The following PPL variants were observed in gnomAD, a reference collection of about 807,000 sequenced individuals.
PPL encodes periplakin.
In PPL, 198 loss-of-function variants were observed where a neutral mutation model predicts 194.4. The ratio of observed to expected loss-of-function variants is 1.02; its 90% CI spans 0.91 to 1.15. The LOEUF (loss-of-function observed/expected upper bound fraction) is 1.15, where lower values mean the gene tolerates loss of function less well. Ranked by LOEUF, PPL falls within the 50% of genes most tolerant of loss-of-function variation. The pLI is 0.00. For missense variants in PPL, 2,885 were observed against 2,294.8 expected, an observed-to-expected ratio of 1.26 and a Z score of -5.25; for synonymous variants, 1,220 against 972.4, an observed-to-expected ratio of 1.25 and a Z score of -4.74.
chr16:4,899,429 G>A (rs1231557719), intron 6 of PPL, 45 bp from the exon 7 acceptor site: 3 of 1,237,920 alleles, frequency 2.4e-6, no homozygotes, highest in Non-Finnish European at 3.1e-6. Flanking sequence ...TCAGCCCGCT[G>A]CCACTGCTCG....
chr16:4,897,332 CAAAAAA>C (rs57191109), intron 9 of PPL, among the ~76,000 whole-genome samples: 5 of 53,428 alleles, frequency 9.4e-5, no homozygotes, highest in Admixed American at 2.4e-4. Context: ...AAGACTCTCT[CAAAAAA>C]AAAAAAAAAA....
At chr16:4,899,634 T>G (rs1460646604) in intron 6 of PPL, among the ~76,000 whole-genome samples, 2 of 152,306 alleles carry the variant, frequency 1.3e-5, no homozygotes, top group Middle Eastern at 3.4e-3. Context: ...TACTACATGC[T>G]GGACATGGCT....
In PPL at chr16:4,910,801, G is replaced by C. The variant is rs778420444; in HGVS notation, c.162+49C>G. ...CCAAACAGATCCTGGTCCTGAACAG[G>C]GCTGGCAGCACGGGGCACCCAGGTG... On this transcript the variant is annotated intron_variant, in intron 2 of 21. Transcript: ENST00000345988. The C allele has an allele frequency of 2.0e-6, 3 of 1,477,098 alleles. No individual in the cohort carries two copies. The African/African-American group carries it at 4.2e-5, about 21-fold the overall frequency. 91.5% of individuals were successfully genotyped at this position (1,477,098 alleles called of 1,614,324 possible). A position where few individuals can be genotyped will look rare whatever the true frequency, so the allele number is the denominator to read the frequency against.
chr16:4,888,732 T>C (rs2088258952), intron 19 of PPL: 2 of 469,892 alleles, frequency 4.3e-6, no homozygotes, highest in Admixed American at 7.2e-5. Flanking sequence ...TTGTACTTTT[T>C]CCTTAAGGAT....
chr16:4,929,062 G>C lies in PPL; in HGVS notation c.62+7922C>G, dbSNP rs542070395. Among the ~76,000 whole-genome samples the C allele has an allele frequency of 9.4e-5, 14 of 149,440 alleles. No individual in the cohort carries two copies. In the South Asian group the frequency reaches 2.0e-3, roughly 21 times the overall value. On this transcript the variant is annotated intron_variant, in intron 1 of 21. Transcript: ENST00000345988. ...AAAAAAAGATCTGCCGAGAGTCCTG[G>C]AGCGAGTCACTCAAACTCTCTGAGC... is the stretch of plus-strand genomic sequence containing the variant.
rs773333239 is a variant in PPL at position 4,885,948 on chromosome 16, TCTC to T, written c.2704_2706del (p.Glu902del). 1.9e-6 allele frequency: 3 copies of T among 1,613,542 alleles called. No homozygotes were observed. In the South Asian group the frequency reaches 3.3e-5, roughly 18 times the overall value. On this transcript the variant is annotated inframe_deletion, in exon 22 of 22. Transcript: ENST00000345988. This position sits in a 1 kb window ranked among gnomAD's most constrained non-coding sequence, Gnocchi z 6.3. ...TTCTCCAGCTGCCGCCTCCGCTCAG[TCTC>T]CTCATCCAGTTCCTTCCTGATCTTC...
chr16:4,891,955 A>T lies in PPL; in HGVS notation c.1830-6T>A. 1 of 1,612,234 alleles carries T rather than the reference A, an allele frequency of 6.2e-7. No individual in the cohort carries two copies. The highest frequency in any genetic ancestry group is 1.1e-5 in the South Asian group (1 of 90,878). ...GGCGGTTGGCCACATCAACCCTGAG[A>T]GCACCAATCAGGCGTCGGGGGATGC... On this transcript the variant is annotated splice_region_variant and splice_polypyrimidine_tract_variant and intron_variant, in intron 15 of 21. Transcript: ENST00000345988.
At chr16:4,919,550 C>T (rs553430956) in intron 1 of PPL, among the ~76,000 whole-genome samples, 1 of 152,254 alleles carries the variant, frequency 6.6e-6, no homozygotes, top group South Asian at 2.1e-4. Context: ...AGGTATGAGC[C>T]ACAATATGCC....
chr16:4,883,783 C>T lies in PPL; in HGVS notation c.4872G>A (p.Arg1624=), dbSNP rs1174516029. The T allele has an allele frequency of 6.2e-7, 1 of 1,614,092 alleles. No homozygotes were observed. The highest frequency in any genetic ancestry group is 8.5e-7 in the Non-Finnish European group (1 of 1,180,024). Residue 1624 remains arginine, a synonymous_variant, in exon 22 of 22, where the codon AGG becomes AGA. Coordinates refer to ENST00000345988, the MANE Select transcript of PPL (RefSeq NM_002705.5). This position sits in a 1 kb window ranked among gnomAD's most constrained non-coding sequence, Gnocchi z 4.8. ...TCTCGAGGTCTTTGTCCTTGGAGAG[C>T]CTCTTGAGGTCATCCAGTTCCCTCT... ...SLERELDDLK[R]LSKDKDLEID... is the part of the protein sequence containing the mutation.
intron 18 of PPL, among the ~76,000 whole-genome samples, chr16:4,889,388 G>A (rs757115318): frequency 6.6e-6 from 1 of 151,398 alleles, no homozygotes; most frequent in East Asian, 1.9e-4. Flanking sequence ...CCAAGTAGCT[G>A]GGACTACAGG....
At chr16:4,887,711 T>G (rs2088241243) in intron 20 of PPL, among the ~76,000 whole-genome samples, 1 of 152,190 alleles carries the variant, frequency 6.6e-6, no homozygotes, top group Non-Finnish European at 1.5e-5. Context: ...CAAGTGATCC[T>G]CCCTCCTCAA....
At chr16:4,890,116 A>T (rs946774397) in intron 18 of PPL, 68 bp downstream of exon 18, 1 of 1,609,826 alleles carries the variant, frequency 6.2e-7, no homozygotes. Context: ...CTCCCCAGAA[A>T]GGGGCTTGTT....
At position 4,884,129 on chromosome 16, in the gene PPL, T is replaced by G; in HGVS notation, c.4526A>C (p.Lys1509Thr). 6.2e-7 allele frequency: 1 copy of G among 1,613,522 alleles called. No homozygotes were observed. The highest frequency in any genetic ancestry group is 8.5e-7 in the Non-Finnish European group (1 of 1,179,988). ...CTGGATCTCTTGCTCGGTGTCGCCC[T>G]TCTCCACCTGGACACTCTCGGAGAG... The part of the protein sequence containing the change: ...VVLSESVQVE[K>T]GDTEQEIQRL... Residue 1509 changes from lysine to threonine, a missense_variant, in exon 22 of 22, where the codon AAG becomes ACG. Transcript: ENST00000345988. This position sits in a 1 kb window ranked among gnomAD's most constrained non-coding sequence, Gnocchi z 5.7.
Position 4,900,979 on chromosome 16 carries a change from G to A in PPL, c.549C>T (p.Ala183=), listed in dbSNP as rs1052073028. ...NEVKAIGPHL[A]KDGDKEQNSE... is the part of the protein sequence containing the mutation. ...CACGCCCCACCTTGTCCCCGTCCTT[G>A]GCCAGGTGGGGCCCGATGGCCTTGA... Residue 183 remains alanine, a synonymous_variant, in exon 5 of 22, where the codon GCC becomes GCT. Transcript: ENST00000345988. 2 of 1,614,034 alleles carry A rather than the reference G, an allele frequency of 1.2e-6. No homozygotes were observed. Among genetic ancestry groups the A allele is most frequent in the African/African-American group, 2.7e-5 (2 of 74,932 alleles).
chr16:4,903,791 C>T (rs951253447), intron 3 of PPL, 95 bp downstream of exon 3: 8 of 1,474,182 alleles, frequency 5.4e-6, no homozygotes, highest in African/African-American at 2.8e-5. Flanking sequence ...CCCTTGATAA[C>T]CCCTGACTCG....
intron 1 of PPL, among the ~76,000 whole-genome samples, chr16:4,923,233 C>T (rs1197423145): frequency 2.6e-5 from 4 of 152,196 alleles, no homozygotes; most frequent in Admixed American, 1.3e-4. Flanking sequence ...GCGTCTCCTG[C>T]GCATCCTCCT....
At position 4,899,334 on chromosome 16, in the gene PPL, C is replaced by G. The variant is rs1291378691; in HGVS notation, c.657G>C (p.Met219Ile). The change falls in exon 7 of 22, where the codon ATG becomes ATC. Residue 219 changes from methionine (M) to isoleucine (I), a missense_variant. Physicochemically the swap from Met to Ile is conservative, Grantham distance 10. Coordinates refer to ENST00000345988, the MANE Select transcript of PPL (RefSeq NM_002705.5). ...AGTACAGCTCATTGGTGCAGCGCTG[C>G]ATGTAGTCCTGCAGCGAACTCAGGT... ...QQHLSSLQDYMQRCTNELYWL... is the reference protein window; with the variant it reads ...QQHLSSLQDYIQRCTNELYWL... The G allele has an allele frequency of 6.2e-7, 1 of 1,613,186 alleles. No individual in the cohort carries two copies. Among genetic ancestry groups the G allele is most frequent in the African/African-American group, 1.3e-5 (1 of 75,060 alleles).
At chr16:4,891,071 A>C in intron 16 of PPL, 150 bp from the exon 17 acceptor site, 1 of 604,910 alleles carries the variant, frequency 1.7e-6, no homozygotes, top group Non-Finnish European at 2.8e-6. Flanking sequence ...GTACATCCCA[A>C]ACCTGGGTCA....
intron 8 of PPL, 94 bp from the exon 9 acceptor site, chr16:4,897,864 G>A: frequency 2.0e-6 from 2 of 986,844 alleles, no homozygotes; most frequent in African/African-American, 3.2e-5. Context: ...CATGGCGGGG[G>A]AGGGAGGCAT....
Sources: allele counts gnomAD v4.1 joint callset (sites outside exome capture counted in the v4.1 genomes callset), GRCh38; gene constraint gnomAD v4.1.1; non-coding constraint Gnocchi (gnomAD v3.1); transcripts MANE v1.5; gene names NCBI Gene and HGNC (gene_info 2026-07-23, HGNC 2026-07-21).